HSD17B3: variants seen among roughly 807,000 people sequenced by gnomAD.
HSD17B3 encodes 17-beta-hydroxysteroid dehydrogenase type 3.
Under a neutral mutation model 41.1 loss-of-function variants are expected in HSD17B3, and 29 were observed. That is an observed-to-expected ratio of 0.71 (90% CI 0.53 to 0.96). HSD17B3 has a LOEUF of 0.96. Ranked by LOEUF, HSD17B3 falls within the 40% of genes least tolerant of loss-of-function variation. HSD17B3 has a pLI of 0.00. For missense variants in HSD17B3, 323 were observed against 374.6 expected, an observed-to-expected ratio of 0.86 and a Z score of 1.14; for synonymous variants, 126 against 145.6, an observed-to-expected ratio of 0.87 and a Z score of 0.97.
chr9:96,244,485 A>T, intron 8 of HSD17B3, 91 bp from the exon 9 acceptor site: 6 of 1,156,144 alleles, frequency 5.2e-6, no homozygotes, highest in Non-Finnish European at 7.9e-6. Flanking sequence ...CTGCAGACAC[A>T]CTACCTGCTA....
intron 5 of HSD17B3, chr9:96,249,994 C>T: frequency 6.8e-7 from 1 of 1,462,848 alleles, no homozygotes; most frequent in Non-Finnish European, 9.0e-7. Context: ...CATTCTGTAC[C>T]CACGTCATCT....
At chr9:96,255,390 T>TGCAG (rs1825604590) in intron 2 of HSD17B3, among the ~76,000 whole-genome samples, 1 of 73,424 alleles carries the variant, frequency 1.4e-5, no homozygotes, top group African/African-American at 6.3e-5. Context: ...TTTTTTTTTT[T>TGCAG]TTTTTTTTTT....
intron 2 of HSD17B3, among the ~76,000 whole-genome samples, chr9:96,260,570 G>A (rs1825819372): frequency 6.6e-6 from 1 of 152,032 alleles, no homozygotes; most frequent in South Asian, 2.1e-4. Context: ...GGCCATCCTG[G>A]TCAACATGGT....
At chr9:96,277,621 AT>A (rs1247311953) in intron 2 of HSD17B3, among the ~76,000 whole-genome samples, 1 of 152,164 alleles carries the variant, frequency 6.6e-6, no homozygotes, top group African/African-American at 2.4e-5. Context: ...GTTGGTGGGA[AT>A]GTAAATTGGT....
At chr9:96,298,285 A>C in intron 2 of HSD17B3, 131 bp downstream of exon 2, 1 of 792,734 alleles carries the variant, frequency 1.3e-6, no homozygotes, top group Non-Finnish European at 2.3e-6. Flanking sequence ...TTGCTTTTCC[A>C]TAGAGTATAT....
intron 2 of HSD17B3, among the ~76,000 whole-genome samples, chr9:96,273,860 G>A (rs1191560822): frequency 6.6e-6 from 1 of 152,080 alleles, no homozygotes; most frequent in East Asian, 1.9e-4. Context: ...CATTCTCCTA[G>A]AGCCAAAGCC....
chr9:96,251,570 G>T, intron 4 of HSD17B3, 85 bp from the exon 5 acceptor site: 3 of 1,259,632 alleles, frequency 2.4e-6, no homozygotes, highest in Non-Finnish European at 3.5e-6. Context: ...AGATTGACAT[G>T]TAAGGTTGTT....
chr9:96,267,532 T>C (rs1826086991), intron 2 of HSD17B3, among the ~76,000 whole-genome samples: 1 of 152,106 alleles, frequency 6.6e-6, no homozygotes, highest in African/African-American at 2.4e-5. Context: ...AAGAACACGC[T>C]GCTCCACAAA....
At chr9:96,245,528 C>T in intron 7 of HSD17B3, 102 bp from the exon 8 acceptor site, 1 of 839,658 alleles carries the variant, frequency 1.2e-6, no homozygotes, top group Non-Finnish European at 2.0e-6. Flanking sequence ...GGACTCGACC[C>T]TTTCTAGGCT....
At chr9:96,261,183 T>C (rs917594867) in intron 2 of HSD17B3, among the ~76,000 whole-genome samples, 3 of 100,458 alleles carry the variant, frequency 3.0e-5, no homozygotes, top group Admixed American at 1.0e-4. Context: ...GATTGTTGCT[T>C]CTCAGCTGCT....
At chr9:96,274,301 T>C (rs1826369016) in intron 2 of HSD17B3, among the ~76,000 whole-genome samples, 1 of 152,108 alleles carries the variant, frequency 6.6e-6, no homozygotes, top group African/African-American at 2.4e-5. Context: ...TAGCTGGGCA[T>C]GGTGGTGCAC....
intron 2 of HSD17B3, 78 bp from the exon 3 acceptor site, chr9:96,255,021 T>C: frequency 6.6e-6 from 8 of 1,212,894 alleles, no homozygotes; most frequent in Non-Finnish European, 9.7e-6. Context: ...GACTTGGTCC[T>C]GAGACTGTGC....
Position 96,295,831 on chromosome 9 carries a change from G to GC in HSD17B3, c.201+2584dup, listed in dbSNP as rs140284583. ...TTTCATATGAACCGAATGTTTTGTGGCCCCCCCAAAATTCATATGCTGAAA... is the reference window on the plus strand; with the variant it reads ...TTTCATATGAACCGAATGTTTTGTGGCCCCCCCCAAAATTCATATGCTGAAA... On this transcript the variant is annotated intron_variant, in intron 2 of 10. Transcript: ENST00000375263. 4.2e-3 allele frequency among the ~76,000 whole-genome samples: 639 copies of GC among 152,062 alleles called. 6 individuals are homozygous for GC. The highest frequency in any genetic ancestry group is 0.015 in the African/African-American group (605 of 41,472).
At chr9:96,235,964 C>T (rs1164597022) in intron 10 of HSD17B3, among the ~76,000 whole-genome samples, 2 of 151,772 alleles carry the variant, frequency 1.3e-5, no homozygotes, top group South Asian at 2.1e-4. Context: ...TGTCACCATG[C>T]CTGGCTAATT....
intron 6 of HSD17B3, among the ~76,000 whole-genome samples, chr9:96,248,934 C>A (rs978533985): frequency 1.3e-5 from 2 of 148,922 alleles, no homozygotes; most frequent in Non-Finnish European, 3.0e-5. Context: ...GAGACAGAGA[C>A]TTTCTCTGTC....
chr9:96,267,942 T>C (rs2130755653), intron 2 of HSD17B3, among the ~76,000 whole-genome samples: 1 of 152,310 alleles, frequency 6.6e-6, no homozygotes, highest in Admixed American at 6.5e-5. Flanking sequence ...TTTTTCTTTT[T>C]TGAGACAGAG....
intron 7 of HSD17B3, among the ~76,000 whole-genome samples, chr9:96,245,923 G>C (rs1564026092): frequency 1.3e-5 from 2 of 152,172 alleles, no homozygotes; most frequent in Non-Finnish European, 1.5e-5. Context: ...AAGTCTCCAG[G>C]AGCCTTACTT....
chr9:96,262,579 T>C (rs1190889475), intron 2 of HSD17B3, among the ~76,000 whole-genome samples: 1 of 152,126 alleles, frequency 6.6e-6, no homozygotes, highest in Admixed American at 6.5e-5. Context: ...TACTTTCAAA[T>C]AATTTGAAGT....
chr9:96,245,433 G>A lies in HSD17B3; in HGVS notation c.525-7C>T, dbSNP rs757859688. 4.3e-6 allele frequency: 7 copies of A among 1,612,540 alleles called. No homozygotes were observed. Among genetic ancestry groups the A allele is most frequent in the Non-Finnish European group, 5.9e-6 (7 of 1,178,542 alleles). ...CAGGATGAGACCTTTCTGCCTGAAAGGCAAAGAAGCAAAGTTCCCATGGCT... is the reference window on the plus strand; with the variant it reads ...CAGGATGAGACCTTTCTGCCTGAAAAGCAAAGAAGCAAAGTTCCCATGGCT... On this transcript the variant is annotated splice_region_variant and splice_polypyrimidine_tract_variant and intron_variant, in intron 7 of 10. Transcript: ENST00000375263.
Sources: allele counts gnomAD v4.1 joint callset (sites outside exome capture counted in the v4.1 genomes callset), GRCh38; gene constraint gnomAD v4.1.1; transcripts MANE v1.5; gene names NCBI Gene and HGNC (gene_info 2026-07-23, HGNC 2026-07-21).